Variants in ZNF69 observed in about 807,000 individuals in gnomAD.
ZNF69 encodes the protein ZNF3.
ZNF69 carries 47 observed loss-of-function variants against 50.9 expected under a neutral mutation model. The ratio of observed to expected loss-of-function variants is 0.92; its 90% CI spans 0.73 to 1.18. The LOEUF (loss-of-function observed/expected upper bound fraction) is 1.18, where lower values mean the gene tolerates loss of function less well. Among genes scored for constraint, ZNF69 ranks in the 50% most tolerant of loss-of-function variants. The probability of loss-of-function intolerance (pLI) is 0.00; values close to 1 mark genes in which losing one functional copy is unlikely to be tolerated. For synonymous variants in ZNF69, 216 were observed against 223.1 expected, an observed-to-expected ratio of 0.97 and a Z score of 0.29; for missense variants, 717 against 675.1, an observed-to-expected ratio of 1.06 and a Z score of -0.69.
the ZNF69 span, among the ~76,000 whole-genome samples, chr19:11,941,700 A>T: frequency 6.6e-6 from 1 of 152,134 alleles, no homozygotes; most frequent in Non-Finnish European, 1.5e-5. Context: ...CTGCAAGCTG[A>T]GGGAGCCGGC....
downstream of ZNF69, among the ~76,000 whole-genome samples, chr19:11,918,256 A>G (rs986130765): frequency 6.6e-6 from 1 of 152,144 alleles, no homozygotes; most frequent in African/African-American, 2.4e-5. Flanking sequence ...TAACCATCTC[A>G]CCTTTCATGC....
At chr19:11,949,934 T>C in the ZNF69 span, 23 of 1,611,010 alleles carry the variant, frequency 1.4e-5, no homozygotes, top group Admixed American at 2.0e-4. Flanking sequence ...AACCTTCAGA[T>C]GCATGAAAGG....
the ZNF69 span, among the ~76,000 whole-genome samples, chr19:11,959,569 G>A: frequency 7.1e-3 from 1,088 of 152,222 alleles, 20 homozygotes; most frequent in African/African-American, 0.025. Flanking sequence ...TGTGTTTCTG[G>A]GTTTTTTGCC....
At position 11,902,255 on chromosome 19, in the gene ZNF69, T is replaced by A. The variant is rs941493656; in HGVS notation, c.64-1318T>A. 2.0e-5 allele frequency among the ~76,000 whole-genome samples: 3 copies of A among 152,200 alleles called. No homozygotes were observed. The East Asian group carries it at 5.8e-4, about 29-fold the overall frequency. On this transcript the variant is annotated intron_variant, in intron 1 of 3. Transcript: ENST00000429654. ...CCTCAGTCTTCCAAAGTGCTGGGATTACAGGCGTCAGCCACCATGCCCGGC... is the reference window on the plus strand; with the variant it reads ...CCTCAGTCTTCCAAAGTGCTGGGATAACAGGCGTCAGCCACCATGCCCGGC...
chr19:11,910,907 T>A (rs279225), downstream of ZNF69, among the ~76,000 whole-genome samples: 5 of 151,808 alleles, frequency 3.3e-5, no homozygotes, highest in Admixed American at 6.6e-5. Flanking sequence ...GGGAGAAAAT[T>A]TTTACAATCT....
the ZNF69 span, among the ~76,000 whole-genome samples, chr19:11,920,141 G>A: frequency 7.2e-6 from 1 of 137,934 alleles, no homozygotes; most frequent in Non-Finnish European, 1.5e-5. Context: ...GATGGAGTTT[G>A]TGCTCTGTTG....
chr19:11,893,911 G>A (rs1977157932), intron 1 of ZNF69, among the ~76,000 whole-genome samples: 1 of 152,208 alleles, frequency 6.6e-6, no homozygotes, highest in African/African-American at 2.4e-5. Context: ...AAAGAGAAAT[G>A]ATTCCTGTCC....
chr19:11,970,173 G>A, the ZNF69 span, among the ~76,000 whole-genome samples: 2 of 152,158 alleles, frequency 1.3e-5, no homozygotes, highest in Non-Finnish European at 2.9e-5. Flanking sequence ...TCTGCCAATC[G>A]GATGTTGCTA....
the ZNF69 span, among the ~76,000 whole-genome samples, chr19:11,936,853 T>G: frequency 6.6e-6 from 1 of 152,234 alleles, no homozygotes; most frequent in African/African-American, 2.4e-5. Flanking sequence ...CCATCTTGAA[T>G]TAATTTTTGT....
chr19:11,965,006 C>G, the ZNF69 span: 1 of 582,260 alleles, frequency 1.7e-6, no homozygotes, highest in Non-Finnish European at 3.1e-6. Context: ...GGGCCCTGCC[C>G]ATTGTTTATC....
the ZNF69 span, among the ~76,000 whole-genome samples, chr19:11,970,141 T>C: frequency 6.6e-6 from 1 of 152,202 alleles, no homozygotes; most frequent in Non-Finnish European, 1.5e-5. Context: ...CCACTTTCCA[T>C]TAATTGGAGA....
Position 11,889,559 on chromosome 19 carries a change from G to A in ZNF69, c.63+1573G>A, listed in dbSNP as rs147923194. Among the ~76,000 whole-genome samples the A allele has an allele frequency of 2.6e-3, 394 of 152,298 alleles. 3 individuals carry two copies. The highest frequency in any genetic ancestry group is 0.017 in the Middle Eastern group (5 of 292). On this transcript the variant is annotated intron_variant, in intron 1 of 3. Coordinates refer to ENST00000429654, the MANE Select transcript of ZNF69 (RefSeq NM_001364730.1). ...CGGCTCACTGCAACCTCCACCTTCC[G>A]GATTCAAGCAATTCTCTAGCCTCAG...
the ZNF69 span, among the ~76,000 whole-genome samples, chr19:11,931,293 T>G: frequency 6.8e-6 from 1 of 147,902 alleles, no homozygotes; most frequent in Non-Finnish European, 1.5e-5. Context: ...CGCTTCCTGG[T>G]TTGCAAATGA....
rs369771387 is a variant in ZNF69 at position 11,891,466 on chromosome 19, A to G, written c.63+3480A>G. Among the ~76,000 whole-genome samples the G allele has an allele frequency of 5.9e-4, 89 of 151,792 alleles. 1 individual carries two copies. In the South Asian group the frequency reaches 0.018, roughly 31 times the overall value. On this transcript the variant is annotated intron_variant, in intron 1 of 3. Transcript: ENST00000429654. ...AAGAAAAAGGAAGGAAGGAAGGAAG[A>G]GAGTGATTCTCTGTTACAGAGTAGG... is the stretch of plus-strand genomic sequence containing the variant.
the ZNF69 span, chr19:11,977,992 C>A: frequency 1.6e-6 from 2 of 1,226,194 alleles, no homozygotes; most frequent in Non-Finnish European, 1.1e-6. Context: ...CATTTACCTT[C>A]AAACAATTCA....
chr19:11,975,547 G>A, the ZNF69 span, among the ~76,000 whole-genome samples: 4 of 151,952 alleles, frequency 2.6e-5, no homozygotes, highest in Admixed American at 6.6e-5. Context: ...ACAGGCGCCC[G>A]CCACCGCGTC....
chr19:11,960,040 T>G, the ZNF69 span, among the ~76,000 whole-genome samples: 1 of 136,970 alleles, frequency 7.3e-6, no homozygotes, highest in East Asian at 1.9e-4. Context: ...TTTTTTTTCT[T>G]TTTTTTTTTT....
the ZNF69 span, among the ~76,000 whole-genome samples, chr19:11,966,084 C>T: frequency 1.3e-5 from 2 of 152,154 alleles, no homozygotes; most frequent in Non-Finnish European, 2.9e-5. Context: ...ACCTGTTTCT[C>T]GAGATTTTAT....
At chr19:11,942,782 CT>C in the ZNF69 span, among the ~76,000 whole-genome samples, 1 of 152,214 alleles carries the variant, frequency 6.6e-6, no homozygotes, top group Non-Finnish European at 1.5e-5. Context: ...TGATTTTTAA[CT>C]ACCAGGCCTG....
Sources: allele counts gnomAD v4.1 joint callset (sites outside exome capture counted in the v4.1 genomes callset), GRCh38; gene constraint gnomAD v4.1.1; transcripts MANE v1.5; gene names NCBI Gene and HGNC (gene_info 2026-07-23, HGNC 2026-07-21).